PTPN22: variants seen among roughly 807,000 people sequenced by gnomAD.
PTPN22 encodes the protein protein tyrosine phosphatase non-receptor type 22, also known as tyrosine-protein phosphatase non-receptor type 22.
Under a neutral mutation model 103.3 loss-of-function variants are expected in PTPN22, and 85 were observed. The ratio of observed to expected loss-of-function variants is 0.82; its 90% CI spans 0.69 to 0.99. PTPN22 has a LOEUF of 0.99. Among genes scored for constraint, PTPN22 ranks in the 50% least tolerant of loss-of-function variants. PTPN22 has a pLI of 0.00. For synonymous variants in PTPN22, 323 were observed against 310.2 expected (o/e 1.04, Z -0.43); for missense variants, 865 against 936.9 (o/e 0.92, Z 1.00).
intron 11 of PTPN22, among the ~76,000 whole-genome samples, chr1:113,847,041 AT>A (rs71090739): frequency 0.8 from 97,662 of 121,854 alleles, 38,223 homozygotes; most frequent in African/African-American, 0.91. Context: ...AGCTCTGTTT[AT>A]TTTTTTTTCA....
At chr1:113,864,576 C>T (rs186141944) in intron 1 of PTPN22, among the ~76,000 whole-genome samples, 1 of 144,550 alleles carries the variant, frequency 6.9e-6, no homozygotes, top group Non-Finnish European at 1.5e-5. Flanking sequence ...GATCACACTA[C>T]TGCACTCCAG....
At chr1:113,838,323 A>C (rs938444812) in exon 13 of PTPN22, 1 of 1,611,914 alleles carries the variant, frequency 6.2e-7, no homozygotes, top group Admixed American at 1.7e-5. Flanking sequence ...CACTTATTTC[A>C]GAAGTCCTAA....
chr1:113,818,287 C>G (rs574448139), intron 20 of PTPN22, among the ~76,000 whole-genome samples: 1 of 152,098 alleles, frequency 6.6e-6, no homozygotes, highest in East Asian at 1.9e-4. Flanking sequence ...GCCTCTGCCT[C>G]CTGAGTAGCT....
At chr1:113,855,839 T>C (rs1054008962) in intron 7 of PTPN22, among the ~76,000 whole-genome samples, 2 of 152,228 alleles carry the variant, frequency 1.3e-5, no homozygotes, top group Non-Finnish European at 2.9e-5. Flanking sequence ...CATGCTGATA[T>C]ATTAAATCTT....
At chr1:113,846,500 G>A (rs1571410054) in intron 11 of PTPN22, among the ~76,000 whole-genome samples, 1 of 151,992 alleles carries the variant, frequency 6.6e-6, no homozygotes, top group African/African-American at 2.4e-5. Context: ...TGCTTCAATT[G>A]TAAAACATAA....
intron 13 of PTPN22, among the ~76,000 whole-genome samples, chr1:113,836,895 C>T (rs1363744885): frequency 6.6e-6 from 1 of 152,030 alleles, no homozygotes; most frequent in Non-Finnish European, 1.5e-5. Flanking sequence ...CACTGCACTC[C>T]AGCATGGGCA....
chr1:113,834,422 C>T lies in PTPN22; in HGVS notation c.1912G>A (p.Val638Ile), dbSNP rs746959307. 7 of 1,612,796 alleles carry T rather than the reference C, an allele frequency of 4.3e-6. No homozygotes were observed. The Admixed American group carries it at 8.3e-5, about 19-fold the overall frequency. Residue 638 changes from valine (V) to isoleucine (I), a missense_variant, in exon 15 of 21, where the codon GTT becomes ATT. This residue lies in a region of PTPN22 where 401 missense variants were observed against 388.6 expected (regional missense o/e 1.03). Coordinates refer to ENST00000359785, the Ensembl canonical transcript of PTPN22. Reference sequence around the variant, plus strand: ...ACAGCTGAGGATAAGGATTTGGGAACATTTGGTGAGAATTCTCCTGGAAGA... The same window carrying T: ...ACAGCTGAGGATAAGGATTTGGGAATATTTGGTGAGAATTCTCCTGGAAGA...
intron 11 of PTPN22, among the ~76,000 whole-genome samples, chr1:113,839,840 A>G (rs1286827716): frequency 6.6e-6 from 1 of 152,182 alleles, no homozygotes; most frequent in Non-Finnish European, 1.5e-5. Context: ...ACTTCTATTC[A>G]ACATAGTACT....
At chr1:113,869,499 A>C (rs1229984694) in intron 1 of PTPN22, among the ~76,000 whole-genome samples, 7 of 151,718 alleles carry the variant, frequency 4.6e-5, no homozygotes, top group Non-Finnish European at 2.9e-5. Flanking sequence ...AGTTTAAGCG[A>C]TTCTCCTGTG....
intron 3 of PTPN22, 67 bp downstream of exon 3, chr1:113,858,935 A>C: frequency 6.4e-7 from 1 of 1,560,864 alleles, no homozygotes; most frequent in South Asian, 1.2e-5. Flanking sequence ...CACTGAGTCC[A>C]GCCAGCCCTC....
intron 1 of PTPN22, among the ~76,000 whole-genome samples, chr1:113,870,406 C>T (rs997499012): frequency 6.6e-6 from 1 of 152,168 alleles, no homozygotes. Flanking sequence ...CTCTGAAACG[C>T]CAGCTGTAAG....
chr1:113,850,163 C>G (rs1419724321), intron 10 of PTPN22, among the ~76,000 whole-genome samples: 1 of 146,022 alleles, frequency 6.8e-6, no homozygotes, highest in East Asian at 2.0e-4. Flanking sequence ...CACCATTGCA[C>G]TCCAGCCTGA....
At position 113,860,278 on chromosome 1, in the gene PTPN22, T is replaced by C. The variant is rs561522691; in HGVS notation, c.88-818A>G. ...TTACTGTAGATTATCATAATTGTTC[T>C]ATTGTATTACTAGCTATTATTGCTA... On this transcript the variant is annotated intron_variant, in intron 1 of 20. Coordinates refer to ENST00000359785, the Ensembl canonical transcript of PTPN22. Among the ~76,000 whole-genome samples the C allele has an allele frequency of 5.9e-5, 9 of 152,354 alleles. No homozygotes were observed. The South Asian group carries it at 1.0e-3, about 18-fold the overall frequency.
intron 1 of PTPN22, among the ~76,000 whole-genome samples, chr1:113,861,947 A>G (rs1361613738): frequency 6.6e-6 from 1 of 152,082 alleles, no homozygotes; most frequent in Non-Finnish European, 1.5e-5. Flanking sequence ...CCCTAGAGGA[A>G]GTACCATCAA....
chr1:113,837,555 C>A, intron 13 of PTPN22, 35 bp downstream of exon 13: 1 of 1,422,976 alleles, frequency 7.0e-7, no homozygotes, highest in Non-Finnish European at 9.6e-7. Context: ...AAAATGAAAT[C>A]TAAAATTCTA....
At chr1:113,835,808 G>C (rs1057209504) in intron 13 of PTPN22, among the ~76,000 whole-genome samples, 2 of 152,112 alleles carry the variant, frequency 1.3e-5, no homozygotes, top group Non-Finnish European at 2.9e-5. Flanking sequence ...GTATAGGATA[G>C]TCTTCTGTAT....
intron 1 of PTPN22, among the ~76,000 whole-genome samples, chr1:113,868,291 C>G (rs903539553): frequency 2.0e-5 from 3 of 152,048 alleles, no homozygotes; most frequent in Non-Finnish European, 4.4e-5. Flanking sequence ...AATAGAGATG[C>G]CTTTTGATAA....
intron 20 of PTPN22, among the ~76,000 whole-genome samples, chr1:113,816,299 C>T (rs1185365571): frequency 6.6e-6 from 1 of 151,770 alleles, no homozygotes; most frequent in African/African-American, 2.4e-5. Context: ...ATAGTGAAAC[C>T]TTGTCTCTAC....
intron 1 of PTPN22, among the ~76,000 whole-genome samples, chr1:113,860,900 C>T (rs1196399601): frequency 1.3e-5 from 2 of 152,108 alleles, no homozygotes; most frequent in Admixed American, 6.6e-5. Flanking sequence ...ATACACAAAG[C>T]CCTTTGCGTA....
Sources: gnomAD v4.1 joint callset for allele counts (sites outside exome capture counted in the v4.1 genomes callset) on GRCh38, gnomAD v4.1.1 for gene constraint, gnomAD v4.1.1 regional missense constraint, MANE v1.5 for transcripts, NCBI Gene and HGNC (gene_info 2026-07-23, HGNC 2026-07-21) for gene names.